EYA2: variants seen among roughly 807,000 people sequenced by gnomAD.
EYA2 encodes protein phosphatase EYA2.
A neutral mutation model predicts 69.2 loss-of-function variants in EYA2; 31 were observed. The ratio of observed to expected loss-of-function variants is 0.45; its 90% confidence interval spans 0.34 to 0.60. EYA2 has a LOEUF of 0.60. Ranked by LOEUF, EYA2 falls within the 20% of genes least tolerant of loss-of-function variation. The probability of loss-of-function intolerance (pLI) is 0.02; values close to 1 mark genes in which losing one functional copy is unlikely to be tolerated. For missense variants in EYA2, 622 were observed against 701.2 expected (o/e 0.89, Z 1.28); for synonymous variants, 257 against 279.4 (o/e 0.92, Z 0.80).
intron 1 of EYA2, among the ~76,000 whole-genome samples, chr20:46,972,086 G>C (rs1022789693): frequency 6.6e-6 from 1 of 152,226 alleles, no homozygotes; most frequent in African/African-American, 2.4e-5. Flanking sequence ...TTAACAATAT[G>C]ATCAAGAAAG....
chr20:46,932,606 G>A (rs1985719075), intron 1 of EYA2, among the ~76,000 whole-genome samples: 1 of 152,240 alleles, frequency 6.6e-6, no homozygotes, highest in East Asian at 1.9e-4. Flanking sequence ...GCACTGGCCA[G>A]GTGCGGTGGC....
At chr20:47,045,805 A>G (rs1216318947) in intron 5 of EYA2, among the ~76,000 whole-genome samples, 2 of 152,210 alleles carry the variant, frequency 1.3e-5, no homozygotes, top group Non-Finnish European at 2.9e-5. Context: ...TCCAGCTTCT[A>G]TAACAAAGAT....
At chr20:47,151,316 A>T (rs2033818131) in intron 10 of EYA2, among the ~76,000 whole-genome samples, 1 of 151,704 alleles carries the variant, frequency 6.6e-6, no homozygotes, top group African/African-American at 2.4e-5. Flanking sequence ...GGTTGCAGTG[A>T]GGCAAGATCA....
In EYA2 at chr20:46,987,916, G is replaced by GACACTCTC. The variant is rs56288405; in HGVS notation, c.-10-2085_-10-2084insACACTCTC. Among the ~76,000 whole-genome samples, 6 of 20,376 alleles carry GACACTCTC rather than the reference G, an allele frequency of 2.9e-4. No homozygotes were observed. The East Asian group carries it at 6.7e-3, about 23-fold the overall frequency. The allele number at this position is 20,376 out of a possible 152,430, so 13.4% of individuals were successfully genotyped here. ...TACTCCAGCCTGGAAGACAGAGTAA[G>GACACTCTC]TCTCTCTCTCTCTCTCTCTCTCTCT... On this transcript the variant is annotated intron_variant, in intron 1 of 15. Coordinates refer to ENST00000327619, the MANE Select transcript of EYA2 (RefSeq NM_005244.5).
At chr20:47,110,396 C>T (rs934799066) in intron 9 of EYA2, among the ~76,000 whole-genome samples, 1 of 148,492 alleles carries the variant, frequency 6.7e-6, no homozygotes, top group Admixed American at 6.7e-5. Context: ...CATGCACTAC[C>T]ATGCCCAGCT....
intron 4 of EYA2, among the ~76,000 whole-genome samples, chr20:47,011,359 G>A (rs1983046846): frequency 6.6e-6 from 1 of 152,166 alleles, no homozygotes; most frequent in South Asian, 2.1e-4. Flanking sequence ...TCAGGGGGCT[G>A]TTGATATTTT....
At chr20:47,015,444 A>G (rs1572867) in intron 4 of EYA2, among the ~76,000 whole-genome samples, 73,547 of 151,868 alleles carry the variant, frequency 0.48, 19,071 homozygotes, top group Non-Finnish European at 0.6. Flanking sequence ...GAGATTGGAG[A>G]GTGTCTTACA....
In EYA2 at chr20:47,097,141, G is replaced by A. The variant is rs1271368102; in HGVS notation, c.861G>A (p.Thr287=). 8 of 1,610,424 alleles carry A rather than the reference G, an allele frequency of 5.0e-6. No homozygotes were observed. Among genetic ancestry groups the A allele is most frequent in the Non-Finnish European group, 6.8e-6 (8 of 1,178,668 alleles). ...TAATTATTTTTCACTCCTTACTCAC[G>A]GGGACATTTGCATCCAGATACGGGA... The part of the protein sequence containing the change: ...ETIIIFHSLL[T]GTFASRYGKD... Residue 287 remains threonine, a synonymous_variant, in exon 9 of 16, where the codon ACG becomes ACA. Coordinates refer to ENST00000327619, the MANE Select transcript of EYA2 (RefSeq NM_005244.5).
chr20:47,061,945 C>T (rs1197309456), intron 5 of EYA2, among the ~76,000 whole-genome samples: 1 of 152,206 alleles, frequency 6.6e-6, no homozygotes, highest in African/African-American at 2.4e-5. Flanking sequence ...GACTTGGAAC[C>T]TCAAGAGCCA....
At chr20:47,180,109 CACA>C (rs1468221058) in intron 13 of EYA2, among the ~76,000 whole-genome samples, 197 bp downstream of exon 13, 1 of 152,044 alleles carries the variant, frequency 6.6e-6, no homozygotes, top group Admixed American at 6.6e-5. Context: ...CTCGGCTCAT[CACA>C]ACCTCTCCCT....
chr20:46,944,674 T>C (rs1978350862), intron 1 of EYA2, among the ~76,000 whole-genome samples: 1 of 152,008 alleles, frequency 6.6e-6, no homozygotes, highest in South Asian at 2.1e-4. Context: ...GTTTTGAAAA[T>C]GTTTGTGTAT....
chr20:47,112,844 T>G (rs2032783622), intron 9 of EYA2, among the ~76,000 whole-genome samples: 2 of 149,932 alleles, frequency 1.3e-5, no homozygotes, highest in Non-Finnish European at 3.0e-5. Flanking sequence ...CTCCAAAAGT[T>G]AGATTTCATG....
At chr20:47,027,602 C>T (rs1370889968) in intron 5 of EYA2, among the ~76,000 whole-genome samples, 1 of 152,158 alleles carries the variant, frequency 6.6e-6, no homozygotes, top group African/African-American at 2.4e-5. Flanking sequence ...GATTTGGTCA[C>T]CCCTATCTCC....
At chr20:46,957,472 A>T (rs1979197494) in intron 1 of EYA2, among the ~76,000 whole-genome samples, 3 of 151,922 alleles carry the variant, frequency 2.0e-5, no homozygotes, top group Non-Finnish European at 4.4e-5. Context: ...TGGATTATCC[A>T]GGTTGGCCCC....
chr20:46,994,592 C>A (rs116242271), intron 2 of EYA2, among the ~76,000 whole-genome samples: 1 of 152,160 alleles, frequency 6.6e-6, no homozygotes, highest in African/African-American at 2.4e-5. Context: ...CCGGGGCTGA[C>A]GGGTTTTGAT....
intron 1 of EYA2, among the ~76,000 whole-genome samples, chr20:46,987,964 C>CTCTCTATATATATATA (rs1555809797): frequency 4.4e-4 from 5 of 11,278 alleles, no homozygotes; most frequent in African/African-American, 8.2e-4. Flanking sequence ...CTCTCTCTCT[C>CTCTCTATATATATATA]TATATATATA....
chr20:47,128,803 T>G (rs758240020), intron 9 of EYA2, among the ~76,000 whole-genome samples: 2 of 152,008 alleles, frequency 1.3e-5, no homozygotes, highest in Non-Finnish European at 2.9e-5. Context: ...GTACACAAAG[T>G]TCACACATAT....
chr20:47,068,941 C>T (rs906294320), intron 5 of EYA2, among the ~76,000 whole-genome samples: 4 of 152,276 alleles, frequency 2.6e-5, no homozygotes, highest in South Asian at 2.1e-4. Context: ...TGCAGTTGTG[C>T]GGTTGCTGCT....
Position 47,133,440 on chromosome 20 carries a change from C to A in EYA2, c.889-9619C>A, listed in dbSNP as rs151206161. Among the ~76,000 whole-genome samples the A allele has an allele frequency of 2.5e-3, 383 of 152,312 alleles. 2 individuals are homozygous for A. The highest frequency in any genetic ancestry group is 4.5e-3 in the Non-Finnish European group (306 of 68,040). On this transcript the variant is annotated intron_variant, in intron 9 of 15. Coordinates refer to ENST00000327619, the MANE Select transcript of EYA2 (RefSeq NM_005244.5). ...ATTAACTGCTAATTTACGGATGTGA[C>A]TGCTCATTCTCAGAGAGATTGGGTA...
Sources: allele counts gnomAD v4.1 joint callset (sites outside exome capture counted in the v4.1 genomes callset), GRCh38; gene constraint gnomAD v4.1.1; transcripts MANE v1.5; gene names NCBI Gene and HGNC (gene_info 2026-07-23, HGNC 2026-07-21).